The following NPFFR1 variants were observed in gnomAD, a reference collection of about 807,000 sequenced individuals.
NPFFR1 encodes the protein G-protein coupled receptor 147.
In NPFFR1, 17 loss-of-function variants were observed where a neutral mutation model predicts 12.7. That is an observed-to-expected ratio of 1.34 (90% CI 0.92 to 2.01). NPFFR1 has a LOEUF of 2.01. Among genes scored for constraint, NPFFR1 ranks in the 30% most tolerant of loss-of-function variants. The pLI, the probability that NPFFR1 is intolerant of heterozygous loss-of-function variation, is 0.00. For synonymous variants in NPFFR1, 296 were observed against 264.5 expected, an observed-to-expected ratio of 1.12 and a Z score of -1.16; for missense variants, 604 against 606.5, an observed-to-expected ratio of 1.00 and a Z score of 0.04.
At position 70,248,489 on chromosome 10, in the gene NPFFR1, T is replaced by TTTTTTTTTTTTTTTTG. The variant is rs1840477391; in HGVS notation, c.*6467_*6468insCAAAAAAAAAAAAAAA. On this transcript the variant is annotated 3_prime_UTR_variant, in exon 4 of 4. Coordinates refer to ENST00000277942, the MANE Select transcript of NPFFR1 (RefSeq NM_022146.5). ...GGCGTTTTTTTTTTGTTTTTTGTTT[T>TTTTTTTTTTTTTTTTG]TTTTTTTTTTTTTTGAGATGGAGTC... The TTTTTTTTTTTTTTTTG allele has an allele frequency of 9.7e-5, 11 of 113,880 alleles. No individual in the cohort carries two copies. Among genetic ancestry groups the TTTTTTTTTTTTTTTTG allele is most frequent in the East Asian group, 2.8e-4 (1 of 3,546 alleles). 7.1% of individuals were successfully genotyped at this position (113,880 alleles called of 1,614,324 possible).
rs184205267 is a variant in NPFFR1 at position 70,253,764 on chromosome 10, G to A, written c.*1193C>T. ...GGAAATGTCCATTTAAGTGCAAGATGAAGGGGCCTGTGAAAGGACCCTCCA... is the reference window on the plus strand; with the variant it reads ...GGAAATGTCCATTTAAGTGCAAGATAAAGGGGCCTGTGAAAGGACCCTCCA... On this transcript the variant is annotated 3_prime_UTR_variant, in exon 4 of 4. Coordinates refer to ENST00000277942, the MANE Select transcript of NPFFR1 (RefSeq NM_022146.5). 33 of 152,054 alleles carry A rather than the reference G, an allele frequency of 2.2e-4. No homozygotes were observed. The highest frequency in any genetic ancestry group is 7.3e-4 in the African/African-American group (30 of 41,322). 9.4% of individuals were successfully genotyped at this position (152,054 alleles called of 1,614,324 possible).
intron 1 of NPFFR1, among the ~76,000 whole-genome samples, chr10:70,278,513 C>A (rs1840826983): frequency 6.6e-6 from 1 of 152,128 alleles, no homozygotes; most frequent in Non-Finnish European, 1.5e-5. Flanking sequence ...CAGCTCCTAG[C>A]CACAGATTTC....
rs1411846140 is a variant in NPFFR1 at position 70,251,124 on chromosome 10, A to C, written c.*3833T>G. ...TTGTTCATTCAACATTGTTCATTGTAATGAAGCCCATTTAGACCGCCTCCT... is the reference window on the plus strand; with the variant it reads ...TTGTTCATTCAACATTGTTCATTGTCATGAAGCCCATTTAGACCGCCTCCT... On this transcript the variant is annotated 3_prime_UTR_variant, in exon 4 of 4. Coordinates refer to ENST00000277942, the MANE Select transcript of NPFFR1 (RefSeq NM_022146.5). 3 of 152,258 alleles carry C rather than the reference A, an allele frequency of 2.0e-5. No individual in the cohort carries two copies. The highest frequency in any genetic ancestry group is 7.2e-5 in the African/African-American group (3 of 41,466). The allele number at this position is 152,258 out of a possible 1,614,324, so 9.4% of individuals were successfully genotyped here. A position where few individuals can be genotyped will look rare whatever the true frequency, so the allele number is the denominator to read the frequency against.
chr10:70,274,143 C>T (rs2136807386), intron 1 of NPFFR1, among the ~76,000 whole-genome samples: 1 of 152,322 alleles, frequency 6.6e-6, no homozygotes, highest in South Asian at 2.1e-4. Flanking sequence ...ATGGTGGTCA[C>T]TGACTGCATA....
At chr10:70,269,958 C>A (rs1402823184) in intron 1 of NPFFR1, among the ~76,000 whole-genome samples, 2 of 152,214 alleles carry the variant, frequency 1.3e-5, no homozygotes, top group African/African-American at 4.8e-5. Context: ...ACCCCAGGGC[C>A]TTTGCTCGTC....
Position 70,266,262 on chromosome 10 carries a change from A to G in NPFFR1, c.137T>C (p.Phe46Ser). ...GAAGATGAGCGCATAGGCCACAATGAACATGGCCGCCACAGGGGAGGTGTG... is the reference window on the plus strand; with the variant it reads ...GAAGATGAGCGCATAGGCCACAATGGACATGGCCGCCACAGGGGAGGTGTG... Reference protein sequence around the residue: ...YQHTSPVAAMFIVAYALIFLL... With the variant: ...YQHTSPVAAMSIVAYALIFLL... The change falls in exon 2 of 4, where the codon TTC becomes TCC. Residue 46 changes from phenylalanine to serine, a missense_variant. Coordinates refer to ENST00000277942, the MANE Select transcript of NPFFR1 (RefSeq NM_022146.5). 1 of 1,613,982 alleles carries G rather than the reference A, an allele frequency of 6.2e-7. No homozygotes were observed. The highest frequency in any genetic ancestry group is 1.1e-5 in the South Asian group (1 of 91,068).
chr10:70,253,735 G>A lies in NPFFR1; in HGVS notation c.*1222C>T, dbSNP rs1488839669. ...GCAACACCGTGTTTTCTACAGAGGT[G>A]GGGGGAAATGTCCATTTAAGTGCAA... On this transcript the variant is annotated 3_prime_UTR_variant, in exon 4 of 4. Transcript: ENST00000277942. 6.6e-6 allele frequency: 1 copy of A among 152,108 alleles called. No homozygotes were observed. Among genetic ancestry groups the A allele is most frequent in the African/African-American group, 2.4e-5 (1 of 41,410 alleles). The allele number at this position is 152,108 out of a possible 1,614,324, so 9.4% of individuals were successfully genotyped here.
intron 3 of NPFFR1, among the ~76,000 whole-genome samples, chr10:70,257,966 A>G (rs201103578): frequency 7.2e-5 from 11 of 152,160 alleles, no homozygotes; most frequent in South Asian, 2.1e-4. Context: ...CAGGTTTGTT[A>G]CTGACCTTCT....
Position 70,255,074 on chromosome 10 carries a change from C to G in NPFFR1, c.1176G>C (p.Gly392=). The part of the protein sequence containing the change: ...GLPSESGPSS[G]APRPGRLPLR... ...GCGGGAGGCGGCCGGGCCTGGGGGCCCCACTGCTAGGGCCCGACTCAGAGG... is the reference window on the plus strand; with the variant it reads ...GCGGGAGGCGGCCGGGCCTGGGGGCGCCACTGCTAGGGCCCGACTCAGAGG... Residue 392 remains glycine (G), a synonymous_variant, in exon 4 of 4, where the codon GGG becomes GGC. Coordinates refer to ENST00000277942, the MANE Select transcript of NPFFR1 (RefSeq NM_022146.5). This position sits in a 1 kb window ranked among gnomAD's most constrained non-coding sequence, Gnocchi z 4.2. The G allele has an allele frequency of 6.9e-7, 1 of 1,443,140 alleles. No individual in the cohort carries two copies. The allele number at this position is 1,443,140 out of a possible 1,614,324, so 89.4% of individuals were successfully genotyped here. A position where few individuals can be genotyped will look rare whatever the true frequency, so the allele number is the denominator to read the frequency against.
At chr10:70,260,542 G>C in intron 3 of NPFFR1, 98 bp downstream of exon 3, 1 of 1,081,784 alleles carries the variant, frequency 9.2e-7, no homozygotes, top group Non-Finnish European at 1.4e-6. Flanking sequence ...CCATGGTGCA[G>C]CCCCAGCCTT....
chr10:70,281,905 G>C (rs1176866457), intron 1 of NPFFR1, among the ~76,000 whole-genome samples: 1 of 152,190 alleles, frequency 6.6e-6, no homozygotes, highest in Non-Finnish European at 1.5e-5. Context: ...GAGGGAGTGC[G>C]TTGTTGTCTC....
In NPFFR1 at chr10:70,255,914, TTCA is replaced by T. The variant is rs1031960316; in HGVS notation, c.423-90_423-88del. ...GTGGGTGGGATGCGGGCACCTGACC[TTCA>T]TCATCGCATCTAGGGCGGCGTCGAA... On this transcript the variant is annotated intron_variant, in intron 3 of 3. Transcript: ENST00000277942. The surrounding 1 kb of genome is among the most constrained non-coding windows in gnomAD (Gnocchi z 4.2). 13 of 1,402,718 alleles carry T rather than the reference TTCA, an allele frequency of 9.3e-6. No homozygotes were observed. The highest frequency in any genetic ancestry group is 2.5e-4 in the Middle Eastern group (1 of 3,982). The allele number at this position is 1,402,718 out of a possible 1,614,324, so 86.9% of individuals were successfully genotyped here. A position where few individuals can be genotyped will look rare whatever the true frequency, so the allele number is the denominator to read the frequency against.
intron 1 of NPFFR1, among the ~76,000 whole-genome samples, chr10:70,281,104 C>T (rs1466405569): frequency 1.3e-5 from 2 of 152,210 alleles, no homozygotes; most frequent in African/African-American, 4.8e-5. Flanking sequence ...GTTTGTGATG[C>T]TCTCTGCCTG....
Position 70,252,496 on chromosome 10 carries a change from G to A in NPFFR1, c.*2461C>T, listed in dbSNP as rs1277645889. On this transcript the variant is annotated 3_prime_UTR_variant, in exon 4 of 4. Coordinates refer to ENST00000277942, the MANE Select transcript of NPFFR1 (RefSeq NM_022146.5). The stretch of plus-strand genomic sequence containing the variant: ...TGTGAATATATTTAATTCCAGTCCT[G>A]TACACTTAAAAATGGCCAAAATGGT... 2.6e-5 allele frequency: 4 copies of A among 152,124 alleles called. No individual in the cohort carries two copies. In the East Asian group the frequency reaches 5.8e-4, roughly 22 times the overall value. 9.4% of individuals were successfully genotyped at this position (152,124 alleles called of 1,614,324 possible).
At chr10:70,270,294 C>T (rs976504846) in intron 1 of NPFFR1, among the ~76,000 whole-genome samples, 1 of 152,170 alleles carries the variant, frequency 6.6e-6, no homozygotes, top group African/African-American at 2.4e-5. Flanking sequence ...GTTGGAAGGC[C>T]TTCTCCAGGC....
chr10:70,255,023 G>T lies in NPFFR1; in HGVS notation c.1227C>A (p.His409Gln). The T allele has an allele frequency of 6.9e-7, 1 of 1,441,112 alleles. No homozygotes were observed. 89.3% of individuals were successfully genotyped at this position (1,441,112 alleles called of 1,614,324 possible). A position where few individuals can be genotyped will look rare whatever the true frequency, so the allele number is the denominator to read the frequency against. The change falls in exon 4 of 4, where the codon CAC becomes CAA. Residue 409 changes from histidine (H) to glutamine (Q), a missense_variant. Physicochemically the swap from His to Gln is conservative, Grantham distance 24. Transcript: ENST00000277942. This position sits in a 1 kb window ranked among gnomAD's most constrained non-coding sequence, Gnocchi z 4.2. ...LPLRNGRVAH[H>Q]GLPREGPGCS... ...AGCCAGGCCCTTCCCTGGGCAAGCC[G>T]TGGTGAGCCACCCGCCCATTCCGCA...
chr10:70,273,189 T>A (rs986909715), intron 1 of NPFFR1, among the ~76,000 whole-genome samples: 13 of 151,764 alleles, frequency 8.6e-5, no homozygotes, highest in Non-Finnish European at 1.8e-4. Flanking sequence ...CTCTACAGGG[T>A]GGTAGGGAAG....
At chr10:70,258,250 G>C (rs1251174258) in intron 3 of NPFFR1, among the ~76,000 whole-genome samples, 1 of 151,646 alleles carries the variant, frequency 6.6e-6, no homozygotes, top group African/African-American at 2.4e-5. Context: ...ACTGCAGTGA[G>C]CCATGATCAG....
At chr10:70,274,373 C>T (rs1019389049) in intron 1 of NPFFR1, among the ~76,000 whole-genome samples, 21 of 151,942 alleles carry the variant, frequency 1.4e-4, no homozygotes, top group Non-Finnish European at 1.6e-4. Context: ...TGCTTGAACC[C>T]GGGAGGTGGA....
Sources: gnomAD v4.1 joint callset for allele counts (sites outside exome capture counted in the v4.1 genomes callset) on GRCh38, gnomAD v4.1.1 for gene constraint, Gnocchi (gnomAD v3.1) non-coding constraint, MANE v1.5 for transcripts, NCBI Gene and HGNC (gene_info 2026-07-23, HGNC 2026-07-21) for gene names.